The following ATP9B variants were observed in gnomAD, a reference collection of about 807,000 sequenced individuals.
ATP9B encodes ATPase phospholipid transporting 9B.
ATP9B carries 110 observed loss-of-function variants against 146.1 expected under a neutral mutation model. The ratio of observed to expected loss-of-function variants is 0.75; its 90% CI spans 0.65 to 0.88. The LOEUF is 0.88. Ranked by LOEUF, ATP9B falls within the 40% of genes least tolerant of loss-of-function variation. The probability of loss-of-function intolerance (pLI) is 0.00; values close to 1 mark genes in which losing one functional copy is unlikely to be tolerated. For synonymous variants in ATP9B, 604 were observed against 569.7 expected, an observed-to-expected ratio of 1.06 and a Z score of -0.86; for missense variants, 1,499 against 1,496.4, an observed-to-expected ratio of 1.00 and a Z score of -0.03.
intron 26 of ATP9B, among the ~76,000 whole-genome samples, chr18:79,365,724 G>A (rs902956537): frequency 9.3e-5 from 14 of 150,194 alleles, no homozygotes; most frequent in Non-Finnish European, 1.6e-4. Flanking sequence ...CTCTGTGGAC[G>A]GGGACAGCCC....
chr18:79,327,788 T>A lies in ATP9B; in HGVS notation c.1774-1353T>A, dbSNP rs1208805255. Among the ~76,000 whole-genome samples the A allele has an allele frequency of 3.1e-4, 38 of 124,522 alleles. 4 individuals are homozygous for A. Among genetic ancestry groups the A allele is most frequent in the African/African-American group, 1.2e-3 (38 of 32,466 alleles). The allele number at this position is 124,522 out of a possible 152,430, so 81.7% of individuals were successfully genotyped here. ...TCTGTGGTTAACGTGCTCTCCGTGG[T>A]TAGCGTGCTCTCCGTGGTTAGCGTG... On this transcript the variant is annotated intron_variant, in intron 15 of 29. Transcript: ENST00000426216.
At chr18:79,153,548 TAGGG>T (rs2094723919) in intron 6 of ATP9B, among the ~76,000 whole-genome samples, 1 of 152,152 alleles carries the variant, frequency 6.6e-6, no homozygotes, top group South Asian at 2.1e-4. Context: ...TTTAGTCTAA[TAGGG>T]AGGACATAAT....
intron 17 of ATP9B, among the ~76,000 whole-genome samples, chr18:79,333,685 G>A (rs2096803828): frequency 6.6e-6 from 1 of 152,100 alleles, no homozygotes; most frequent in African/African-American, 2.4e-5. Context: ...TACCAAAATA[G>A]CCTCTAAAAG....
At chr18:79,343,320 A>C (rs1447287997) in intron 20 of ATP9B, among the ~76,000 whole-genome samples, 2 of 152,164 alleles carry the variant, frequency 1.3e-5, no homozygotes, top group African/African-American at 2.4e-5. Context: ...TGAGATTGTT[A>C]ATTTGAACCA....
At chr18:79,234,574 T>G (rs1269161990) in intron 11 of ATP9B, among the ~76,000 whole-genome samples, 1 of 145,856 alleles carries the variant, frequency 6.9e-6, no homozygotes, top group African/African-American at 2.5e-5. Context: ...TGCTGTGGGC[T>G]TGCTTGCTGT....
Position 79,206,928 on chromosome 18 carries a change from C to T in ATP9B, c.955-9C>T, listed in dbSNP as rs1485583370. ...GACGGTTTTGTTTTCTTTTTGTCTCCCTGCACAGGAAGACAGTGACCCGCC... is the reference window on the plus strand; with the variant it reads ...GACGGTTTTGTTTTCTTTTTGTCTCTCTGCACAGGAAGACAGTGACCCGCC... On this transcript the variant is annotated splice_polypyrimidine_tract_variant and intron_variant, in intron 9 of 29. Transcript: ENST00000426216. The T allele has an allele frequency of 5.0e-6, 8 of 1,612,930 alleles. No homozygotes were observed. The highest frequency in any genetic ancestry group is 6.8e-6 in the Non-Finnish European group (8 of 1,179,498).
intron 13 of ATP9B, among the ~76,000 whole-genome samples, chr18:79,277,919 G>C (rs750002649): frequency 3.9e-5 from 6 of 152,150 alleles, no homozygotes; most frequent in Admixed American, 2.0e-4. Flanking sequence ...ATTCAACATA[G>C]TTTTAAACTA....
intron 9 of ATP9B, among the ~76,000 whole-genome samples, chr18:79,198,768 C>T (rs369729860): frequency 4.1e-4 from 62 of 152,190 alleles, no homozygotes; most frequent in African/African-American, 1.3e-3. Flanking sequence ...AGAGTACTAA[C>T]GACAAATGGA....
intron 13 of ATP9B, chr18:79,299,871 G>A (rs1359143638): frequency 6.6e-6 from 1 of 152,250 alleles, no homozygotes; most frequent in African/African-American, 2.4e-5. Flanking sequence ...TCTGTTTAGA[G>A]AACTGTAGCT....
intron 19 of ATP9B, among the ~76,000 whole-genome samples, chr18:79,338,011 C>T (rs142793706): frequency 5.9e-4 from 90 of 152,262 alleles, no homozygotes; most frequent in Non-Finnish European, 1.1e-3. Context: ...TCCATGAGGA[C>T]GGGAGTGCAT....
intron 8 of ATP9B, among the ~76,000 whole-genome samples, chr18:79,185,994 G>C (rs1002805501): frequency 6.6e-6 from 1 of 152,230 alleles, no homozygotes; most frequent in Non-Finnish European, 1.5e-5. Context: ...TGCAGAGCCT[G>C]TAATGGCAGG....
intron 11 of ATP9B, among the ~76,000 whole-genome samples, chr18:79,215,274 C>T (rs1273937320): frequency 6.6e-6 from 1 of 152,100 alleles, no homozygotes; most frequent in African/African-American, 2.4e-5. Context: ...AGTCCTAGGC[C>T]GTTTGCAGCA....
At chr18:79,080,405 T>C (rs184424004) in intron 1 of ATP9B, among the ~76,000 whole-genome samples, 8 of 152,366 alleles carry the variant, frequency 5.3e-5, no homozygotes, top group African/African-American at 1.7e-4. Context: ...TTTGTAGCAG[T>C]TGTGAATGGA....
chr18:79,114,375 T>G (rs558565), intron 4 of ATP9B, among the ~76,000 whole-genome samples: 58,740 of 151,928 alleles, frequency 0.39, 11,784 homozygotes, highest in East Asian at 0.52. Flanking sequence ...GTCCTCGGGG[T>G]TCCACATGAG....
intron 19 of ATP9B, among the ~76,000 whole-genome samples, chr18:79,339,594 CAGT>C (rs1270560235): frequency 6.7e-6 from 1 of 149,370 alleles, no homozygotes; most frequent in Non-Finnish European, 1.5e-5. Context: ...ATCATGATTG[CAGT>C]AGGAGGTGTG....
intron 15 of ATP9B, among the ~76,000 whole-genome samples, chr18:79,311,199 T>C (rs931315941): frequency 6.6e-6 from 1 of 152,200 alleles, no homozygotes; most frequent in African/African-American, 2.4e-5. Context: ...TTTCTCCATT[T>C]TGAAAATCTA....
chr18:79,176,662 A>C (rs1305177225), intron 7 of ATP9B, 151 bp from the exon 8 acceptor site: 2 of 608,996 alleles, frequency 3.3e-6, no homozygotes, highest in South Asian at 2.1e-5. Flanking sequence ...GTAAAATAAA[A>C]GTTTTTAAGG....
At chr18:79,172,916 T>A (rs2095101356) in intron 7 of ATP9B, among the ~76,000 whole-genome samples, 1 of 152,250 alleles carries the variant, frequency 6.6e-6, no homozygotes, top group Non-Finnish European at 1.5e-5. Flanking sequence ...GGTTGCTGAT[T>A]TTTATGGTCA....
At chr18:79,252,533 C>G (rs1012947537) in intron 11 of ATP9B, among the ~76,000 whole-genome samples, 4 of 152,192 alleles carry the variant, frequency 2.6e-5, no homozygotes, top group African/African-American at 4.8e-5. Flanking sequence ...GAAATTGAAG[C>G]TACATGCTTC....
Sources: gnomAD v4.1 joint callset for allele counts (sites outside exome capture counted in the v4.1 genomes callset) on GRCh38, gnomAD v4.1.1 for gene constraint, MANE v1.5 for transcripts, NCBI Gene and HGNC (gene_info 2026-07-23, HGNC 2026-07-21) for gene names.